Variants in SOX5 observed in about 807,000 individuals in gnomAD.
SOX5 encodes transcription factor SOX-5.
In SOX5, 9 loss-of-function variants were observed where a neutral mutation model predicts 92.0. That is an observed-to-expected ratio of 0.10 (90% CI 0.06 to 0.17). The LOEUF (loss-of-function observed/expected upper bound fraction) is 0.17. Among genes scored for constraint, SOX5 ranks in the 10% least tolerant of loss-of-function variants. SOX5 has a pLI of 1.00. For synonymous variants in SOX5, 344 were observed against 336.3 expected (o/e 1.02, Z -0.25); for missense variants, 642 against 944.5 (o/e 0.68, Z 4.20).
intron 1 of SOX5, among the ~76,000 whole-genome samples, chr12:24,439,665 C>A (rs138810894): frequency 4.6e-5 from 7 of 152,068 alleles, no homozygotes; most frequent in African/African-American, 1.7e-4. Context: ...GAGGCCAACG[C>A]GGGTGGAGGA....
chr12:23,882,977 C>G (rs1282950069), intron 2 of SOX5, among the ~76,000 whole-genome samples: 1 of 151,960 alleles, frequency 6.6e-6, no homozygotes, highest in Non-Finnish European at 1.5e-5. Context: ...GTCAGGAGAT[C>G]GAGACCATCC....
chr12:23,912,021 G>C (rs1199676966), intron 1 of SOX5, among the ~76,000 whole-genome samples: 1 of 151,992 alleles, frequency 6.6e-6, no homozygotes, highest in Admixed American at 6.6e-5. Flanking sequence ...GCAATCCAAA[G>C]AATGGGAGAA....
chr12:24,067,512 T>C lies in SOX5; in HGVS notation c.-2+145831A>G, dbSNP rs371520811. Among the ~76,000 whole-genome samples the C allele has an allele frequency of 5.9e-4, 90 of 152,202 alleles. 1 individual carries two copies. The highest frequency in any genetic ancestry group is 2.1e-3 in the African/African-American group (87 of 41,534). ...GAGTATTCCTAGAAGTTAGAATGAT[T>C]GCAGATAATAGGAAGATGATATCAT... On this transcript the variant is annotated intron_variant, in intron 4 of 4. Coordinates refer to the SOX5 transcript ENST00000446891.
At chr12:24,555,459 G>A (rs1331253850) in intron 1 of SOX5, among the ~76,000 whole-genome samples, 1 of 152,144 alleles carries the variant, frequency 6.6e-6, no homozygotes, top group African/African-American at 2.4e-5. Context: ...CCAATTATAT[G>A]AAATATCCAT....
At chr12:23,694,395 T>C (rs1344298714) in intron 6 of SOX5, among the ~76,000 whole-genome samples, 1 of 152,152 alleles carries the variant, frequency 6.6e-6, no homozygotes, top group African/African-American at 2.4e-5. Flanking sequence ...AACTTGTCTA[T>C]CTTCTGCCTC....
chr12:24,195,678 G>A (rs922358590), intron 4 of SOX5, among the ~76,000 whole-genome samples: 2 of 151,992 alleles, frequency 1.3e-5, no homozygotes, highest in Admixed American at 6.6e-5. Context: ...GATTCCCCCC[G>A]CTCTTATGGA....
chr12:24,408,490 A>C (rs1963456076), intron 1 of SOX5, among the ~76,000 whole-genome samples: 1 of 152,126 alleles, frequency 6.6e-6, no homozygotes, highest in South Asian at 2.1e-4. Flanking sequence ...AACATTTCCA[A>C]CACCACAAAA....
intron 2 of SOX5, among the ~76,000 whole-genome samples, chr12:23,879,500 C>G (rs1360089079): frequency 6.6e-6 from 1 of 152,050 alleles, no homozygotes; most frequent in African/African-American, 2.4e-5. Context: ...TGAACATAAG[C>G]AAATACTGAA....
intron 4 of SOX5, among the ~76,000 whole-genome samples, chr12:23,990,161 T>C (rs1046878676): frequency 5.3e-5 from 8 of 152,162 alleles, no homozygotes; most frequent in African/African-American, 1.7e-4. Context: ...CTATAGATTA[T>C]GGAATCTGTC....
chr12:24,118,292 C>T (rs1446864461), intron 4 of SOX5, among the ~76,000 whole-genome samples: 4 of 152,018 alleles, frequency 2.6e-5, no homozygotes, highest in Non-Finnish European at 5.9e-5. Context: ...TGAGGTGATG[C>T]ATATGTTAAT....
intron 3 of SOX5, among the ~76,000 whole-genome samples, chr12:23,772,687 C>A (rs944509565): frequency 1.3e-5 from 2 of 152,124 alleles, no homozygotes; most frequent in Non-Finnish European, 2.9e-5. Flanking sequence ...CATTTACAAG[C>A]TCTGACATCT....
chr12:23,555,332 A>G (rs12815511), intron 11 of SOX5, among the ~76,000 whole-genome samples: 1 of 151,900 alleles, frequency 6.6e-6, no homozygotes, highest in Non-Finnish European at 1.5e-5. Context: ...TCTCTCTGAA[A>G]GCCCAATTTG....
intron 8 of SOX5, among the ~76,000 whole-genome samples, chr12:23,611,864 C>A (rs1017338176): frequency 6.6e-6 from 1 of 151,810 alleles, no homozygotes; most frequent in African/African-American, 2.4e-5. Context: ...TTTCTTCTCC[C>A]CCAAATCACC....
intron 4 of SOX5, among the ~76,000 whole-genome samples, chr12:24,072,077 G>A (rs180891235): frequency 1.3e-5 from 2 of 152,264 alleles, no homozygotes; most frequent in East Asian, 1.9e-4. Context: ...TGTTAGCTAT[G>A]TTCTATTTCT....
intron 4 of SOX5, among the ~76,000 whole-genome samples, chr12:24,047,729 C>T (rs1044741245): frequency 2.0e-5 from 3 of 152,160 alleles, no homozygotes; most frequent in African/African-American, 4.8e-5. Context: ...GATCATACTG[C>T]CTTTACCTGT....
At chr12:24,135,750 T>A (rs909879095) in intron 4 of SOX5, among the ~76,000 whole-genome samples, 3 of 152,094 alleles carry the variant, frequency 2.0e-5, no homozygotes, top group Non-Finnish European at 2.9e-5. Flanking sequence ...GTCTGGACCT[T>A]CGGAGAATGA....
In SOX5 at chr12:24,441,253, T is replaced by C. The variant is rs543263393; in HGVS notation, c.-250-72614A>G. 2.0e-5 allele frequency among the ~76,000 whole-genome samples: 3 copies of C among 152,324 alleles called. No homozygotes were observed. In the South Asian group the frequency reaches 6.2e-4, roughly 32 times the overall value. On this transcript the variant is annotated intron_variant, in intron 1 of 4. Transcript: ENST00000446891. ...ACAAAACAAATAACCCTCTGCATCATCCTACACTGCGTGTGCAATAATGGG... is the reference window on the plus strand; with the variant it reads ...ACAAAACAAATAACCCTCTGCATCACCCTACACTGCGTGTGCAATAATGGG...
At chr12:23,815,742 G>A (rs745825768) in intron 3 of SOX5, among the ~76,000 whole-genome samples, 44 of 152,168 alleles carry the variant, frequency 2.9e-4, no homozygotes, top group Non-Finnish European at 5.9e-5. Flanking sequence ...GTTCTGGTCG[G>A]AGATAGCTTA....
intron 4 of SOX5, among the ~76,000 whole-genome samples, chr12:24,047,907 T>C (rs1043874356): frequency 6.6e-6 from 1 of 152,234 alleles, no homozygotes; most frequent in African/African-American, 2.4e-5. Flanking sequence ...TTCTGGTTGT[T>C]AAATTCTAAA....
Sources: allele counts gnomAD v4.1 joint callset (sites outside exome capture counted in the v4.1 genomes callset), GRCh38; gene constraint gnomAD v4.1.1; transcripts MANE v1.5; gene names NCBI Gene and HGNC (gene_info 2026-07-23, HGNC 2026-07-21).